The following NOTCH3 variants were observed in gnomAD, a reference collection of about 807,000 sequenced individuals.
The protein encoded by NOTCH3 is neurogenic locus notch homolog protein 3.
A neutral mutation model predicts 213.3 loss-of-function variants in NOTCH3; 86 were observed. The observed-to-expected ratio is 0.40, with a 90% CI of 0.34 to 0.48. The LOEUF is 0.48. NOTCH3 is among the 20% of genes least tolerant of loss of function. NOTCH3 has a pLI of 0.57. For synonymous variants in NOTCH3, 1,354 were observed against 1,355.9 expected (o/e 1.00, Z 0.03); for missense variants, 2,783 against 3,272.6 (o/e 0.85, Z 3.65).
chr19:15,183,274 A>T (rs1449987902), intron 16 of NOTCH3, among the ~76,000 whole-genome samples: 1 of 152,160 alleles, frequency 6.6e-6, no homozygotes, highest in East Asian at 1.9e-4. Flanking sequence ...AAATAAATAT[A>T]AAATATTAAA....
intron 2 of NOTCH3, among the ~76,000 whole-genome samples, chr19:15,195,901 T>C (rs1055450711): frequency 6.8e-6 from 1 of 147,606 alleles, no homozygotes; most frequent in African/African-American, 2.5e-5. Flanking sequence ...GGCCTAAGCT[T>C]TGGGGGAGAC....
At chr19:15,173,421 C>CA (rs71168587) in intron 25 of NOTCH3, among the ~76,000 whole-genome samples, 49,309 of 68,568 alleles carry the variant, frequency 0.72, 18,819 homozygotes, top group Non-Finnish European at 0.86. Flanking sequence ...GACTCCGTCT[C>CA]AAAAAAAAAA....
At chr19:15,198,770 G>C (rs2046988671) in intron 1 of NOTCH3, among the ~76,000 whole-genome samples, 2 of 152,118 alleles carry the variant, frequency 1.3e-5, no homozygotes, top group African/African-American at 4.8e-5. Context: ...AATTAGCTGG[G>C]TGTGGTGGCG....
chr19:15,184,521 A>C (rs1362197893), intron 15 of NOTCH3, 71 bp from the exon 16 acceptor site: 5 of 1,495,186 alleles, frequency 3.3e-6, no homozygotes, highest in Admixed American at 1.7e-5. Flanking sequence ...CCTGGGGCTC[A>C]GGAAGAACCT....
rs1474810393 is a variant in NOTCH3 at position 15,161,151 on chromosome 19, G to A, written c.6477C>T (p.Ser2159=). Residue 2159 remains serine (S), a synonymous_variant, in exon 33 of 33, where the codon AGC becomes AGT. Coordinates refer to ENST00000263388, the MANE Select transcript of NOTCH3 (RefSeq NM_000435.3). ...GRQPPGGCVL[S]LGLLNPVAVP... is the part of the protein sequence containing the mutation. ...CAGCCACAGGGTTCAGCAGGCCCAG[G>A]CTGAGTACACATCCTCCAGGGGGCT... The A allele has an allele frequency of 1.3e-6, 2 of 1,539,280 alleles. No homozygotes were observed. Among genetic ancestry groups the A allele is most frequent in the Middle Eastern group, 1.7e-4 (1 of 5,762 alleles).
intron 31 of NOTCH3, 50 bp from the exon 32 acceptor site, chr19:15,162,612 C>T (rs2046654328): frequency 2.0e-6 from 3 of 1,493,656 alleles, no homozygotes; most frequent in Non-Finnish European, 2.8e-6. Context: ...GTCCTGGGGC[C>T]CCCATGTCAG....
rs1431904200 is a variant in NOTCH3, at chr19:15,173,797, A to C, written c.4736+271T>G. Among the ~76,000 whole-genome samples, 46 of 144,750 alleles carry C rather than the reference A, an allele frequency of 3.2e-4. 1 individual carries two copies. Among genetic ancestry groups the C allele is most frequent in the African/African-American group, 7.0e-4 (27 of 38,760 alleles). 95.0% of individuals were successfully genotyped at this position (144,750 alleles called of 152,430 possible). On this transcript the variant is annotated intron_variant, in intron 25 of 32. Coordinates refer to ENST00000263388, the MANE Select transcript of NOTCH3 (RefSeq NM_000435.3). ...GAGAAGGAGAAGGAGAAGAAGAAGAAGAAGAAGAAAAAAACCCTACACATG... is the reference window on the plus strand; with the variant it reads ...GAGAAGGAGAAGGAGAAGAAGAAGACGAAGAAGAAAAAAACCCTACACATG...
Position 15,161,374 on chromosome 19 carries a change from G to C in NOTCH3, c.6254C>G (p.Thr2085Arg), listed in dbSNP as rs1199803741. ...QGPRGRGKKL[T>R]LACPGPLADS... Reference sequence around the variant, plus strand: ...AGCCAGGGGGCCCGGGCAGGCCAGCGTCAGCTTCTTGCCCCGCCCCCGGGG... The same window carrying C: ...AGCCAGGGGGCCCGGGCAGGCCAGCCTCAGCTTCTTGCCCCGCCCCCGGGG... Residue 2085 changes from threonine to arginine, a missense_variant, in exon 33 of 33, where the codon ACG (threonine) becomes AGG (arginine). Coordinates refer to ENST00000263388, the MANE Select transcript of NOTCH3 (RefSeq NM_000435.3). 6.6e-7 allele frequency: 1 copy of C among 1,525,636 alleles called. No individual in the cohort carries two copies. Among genetic ancestry groups the C allele is most frequent in the South Asian group, 1.2e-5 (1 of 82,178 alleles). The allele number at this position is 1,525,636 out of a possible 1,614,324, so 94.5% of individuals were successfully genotyped here.
In NOTCH3 at chr19:15,160,086, G is replaced by T; in HGVS notation, c.*576C>A. On this transcript the variant is annotated 3_prime_UTR_variant, in exon 33 of 33. Coordinates refer to ENST00000263388, the MANE Select transcript of NOTCH3 (RefSeq NM_000435.3). ...GGCCCCAGTGGGTGCGCCCAAGGGT[G>T]CCTACTTGGTACATACCTGGGTCGT... 4.3e-6 allele frequency: 1 copy of T among 233,964 alleles called. No individual in the cohort carries two copies. The highest frequency in any genetic ancestry group is 8.5e-6 in the Non-Finnish European group (1 of 118,298). 14.5% of individuals were successfully genotyped at this position (233,964 alleles called of 1,614,324 possible).
intron 24 of NOTCH3, among the ~76,000 whole-genome samples, chr19:15,176,403 T>TC (rs2046790172): frequency 6.6e-6 from 1 of 151,132 alleles, no homozygotes; most frequent in Non-Finnish European, 1.5e-5. Context: ...CCTCAGGTGA[T>TC]CTGCCCTCCT....
chr19:15,169,590 C>T (rs1053658570), intron 28 of NOTCH3, among the ~76,000 whole-genome samples: 1 of 152,230 alleles, frequency 6.6e-6, no homozygotes, highest in Admixed American at 6.5e-5. Context: ...AGGCTGGTCT[C>T]GAACTCCTGA....
rs1489011124 is a variant in NOTCH3 at position 15,170,746 on chromosome 19, T to C, written c.4816A>G (p.Ser1606Gly). ...ENDHCFPDAQSAADYLGALSA... is the reference protein window; with the variant it reads ...ENDHCFPDAQGAADYLGALSA... ...AACGCTCCCAGGTAGTCAGCGGCGC[T>C]CTGGGCATCGGGGAAGCAGTGATCA... The change falls in exon 26 of 33, where the codon AGC becomes GGC. Residue 1606 changes from serine to glycine, a missense_variant. Around this residue, in one of 6 missense-constraint regions of NOTCH3, gnomAD observed 636 missense variants for 801.8 expected, o/e 0.79. Transcript: ENST00000263388. 5 of 1,611,358 alleles carry C rather than the reference T, an allele frequency of 3.1e-6. No homozygotes were observed. The Admixed American group carries it at 5.0e-5, about 16-fold the overall frequency.
chr19:15,165,006 G>T lies in NOTCH3; in HGVS notation c.5815+362C>A, dbSNP rs144950284. On this transcript the variant is annotated intron_variant, in intron 31 of 32. Coordinates refer to ENST00000263388, the MANE Select transcript of NOTCH3 (RefSeq NM_000435.3). The surrounding 1 kb of genome is among the most constrained non-coding windows in gnomAD (Gnocchi z 4.7). ...TGCCCAGTCTGGTCTCAAACTCCTG[G>T]CCTCAAGTCATCCTCCTGCCTCAGC... is the stretch of plus-strand genomic sequence containing the variant. Among the ~76,000 whole-genome samples, 86 of 152,202 alleles carry T rather than the reference G, an allele frequency of 5.7e-4. No individual in the cohort carries two copies. The highest frequency in any genetic ancestry group is 2.0e-3 in the African/African-American group (81 of 41,536).
chr19:15,160,681 T>C lies in NOTCH3; in HGVS notation c.6947A>G (p.Lys2316Arg). Reference sequence around the variant, plus strand: ...AGCGTCTCAGGCCAACACTTGCCTCTTGGGGGTAACTTCCGGCTGGGGCCC... The same window carrying C: ...AGCGTCTCAGGCCAACACTTGCCTCCTGGGGGTAACTTCCGGCTGGGGCCC... ...QLGPQPEVTP[K>R]RQVLA Residue 2316 changes from lysine to arginine, a missense_variant, in exon 33 of 33, where the codon AAG (lysine) becomes AGG (arginine). Lys to Arg is a conservative substitution (Grantham distance 26). Coordinates refer to ENST00000263388, the MANE Select transcript of NOTCH3 (RefSeq NM_000435.3). 6.2e-7 allele frequency: 1 copy of C among 1,614,010 alleles called. No homozygotes were observed. The highest frequency in any genetic ancestry group is 8.5e-7 in the Non-Finnish European group (1 of 1,179,956).
chr19:15,179,399 G>A lies in NOTCH3; in HGVS notation c.3425C>T (p.Ala1142Val), dbSNP rs1422926849. 15 of 1,613,992 alleles carry A rather than the reference G, an allele frequency of 9.3e-6. No individual in the cohort carries two copies. The highest frequency in any genetic ancestry group is 1.3e-5 in the Non-Finnish European group (15 of 1,180,042). ...TGGGGGACAGGAGCAGAGATAGCGG[G>A]CCACGAGGTCAATGCATGAACCCCC... Reference protein sequence around the residue: ...QHGGSCIDLVARYLCSCPPGT... With the variant: ...QHGGSCIDLVVRYLCSCPPGT... The change falls in exon 21 of 33, where the codon GCC (alanine) becomes GTC (valine). Residue 1142 changes from alanine to valine, a missense_variant. Coordinates refer to ENST00000263388, the MANE Select transcript of NOTCH3 (RefSeq NM_000435.3).
chr19:15,191,308 C>T (rs2046924672), intron 6 of NOTCH3, 116 bp downstream of exon 6: 1 of 953,078 alleles, frequency 1.0e-6, no homozygotes, highest in Non-Finnish European at 1.6e-6. Flanking sequence ...GCTATGATTA[C>T]AGGCATGAGC....
At position 15,174,303 on chromosome 19, in the gene NOTCH3, C is replaced by A; in HGVS notation, c.4501G>T (p.Ala1501Ser). The A allele has an allele frequency of 6.4e-7, 1 of 1,555,976 alleles. No individual in the cohort carries two copies. The highest frequency in any genetic ancestry group is 8.7e-7 in the Non-Finnish European group (1 of 1,151,322). The change falls in exon 25 of 33, where the codon GCC becomes TCC. Residue 1501 changes from alanine (A) to serine (S), a missense_variant. Transcript: ENST00000263388. ...GCCAGCAGGGCCGGCACCTCGCTGG[C>A]ACAATCCAGCCCATCCCAGCCGCAC... Reference protein sequence around the residue: ...EECGWDGLDCASEVPALLARG... With the variant: ...EECGWDGLDCSSEVPALLARG...
Position 15,188,964 on chromosome 19 carries a change from C to T in NOTCH3, c.1378+25G>A, listed in dbSNP as rs1006958371. 1.9e-6 allele frequency: 3 copies of T among 1,600,218 alleles called. 1 individual carries two copies. Among genetic ancestry groups the T allele is most frequent in the South Asian group, 2.2e-5 (2 of 89,584 alleles). ...TGTCCCCGCCCCCTGCCTCAGGACC[C>T]GCCCAGGCCACGCCCACCACCCACC... On this transcript the variant is annotated intron_variant, in intron 8 of 32. Transcript: ENST00000263388.
At position 15,161,568 on chromosome 19, in the gene NOTCH3, G is replaced by A. The variant is rs777043069; in HGVS notation, c.6060C>T (p.Ile2020=). The change falls in exon 33 of 33, where the codon ATC becomes ATT. Residue 2020 remains isoleucine (I), a synonymous_variant. Transcript: ENST00000263388. The part of the protein sequence containing the change: ...DVAQERLHQD[I]VRLLDQPSGP... ...CACTGGGTTGATCCAGCAAGCGCAC[G>A]ATGTCCTGGTGCAGTCTCTCCTGGG... 9 of 1,610,220 alleles carry A rather than the reference G, an allele frequency of 5.6e-6. No individual in the cohort carries two copies. The highest frequency in any genetic ancestry group is 2.2e-5 in the East Asian group (1 of 44,754).
Sources: allele counts gnomAD v4.1 joint callset (sites outside exome capture counted in the v4.1 genomes callset), GRCh38; gene constraint gnomAD v4.1.1; regional missense constraint gnomAD v4.1.1; non-coding constraint Gnocchi (gnomAD v3.1); transcripts MANE v1.5; gene names NCBI Gene and HGNC (gene_info 2026-07-23, HGNC 2026-07-21).